Variants in CCDC158 observed in about 807,000 individuals in gnomAD.
The protein encoded by CCDC158 is coiled-coil domain containing 158.
CCDC158 carries 116 observed loss-of-function variants against 138.6 expected under a neutral mutation model. That is an observed-to-expected ratio of 0.84 (90% CI 0.72 to 0.98). The LOEUF is 0.98. CCDC158 is among the 50% of genes least tolerant of loss of function. The pLI is 0.00. For missense variants in CCDC158, 1,265 were observed against 1,306.1 expected (o/e 0.97, Z 0.48); for synonymous variants, 436 against 442.4 (o/e 0.99, Z 0.18).
intron 24 of CCDC158, among the ~76,000 whole-genome samples, chr4:76,314,881 G>A (rs13106915): frequency 0.58 from 87,826 of 151,962 alleles, 26,386 homozygotes; most frequent in East Asian, 0.78. Flanking sequence ...TCTTTTGAGC[G>A]GAATCTGGGT....
Sources: gnomAD v4.1 joint callset for allele counts (sites outside exome capture counted in the v4.1 genomes callset) on GRCh38, gnomAD v4.1.1 for gene constraint, MANE v1.5 for transcripts, NCBI Gene and HGNC (gene_info 2026-07-23, HGNC 2026-07-21) for gene names.